Variants in PXYLP1 observed in about 807,000 individuals in gnomAD.
PXYLP1 encodes acid phosphatase-like 2.
PXYLP1 carries 17 observed loss-of-function variants against 37.9 expected under a neutral mutation model. The observed-to-expected ratio is 0.45, with a 90% CI of 0.31 to 0.67. The LOEUF is 0.67. Among genes scored for constraint, PXYLP1 ranks in the 30% least tolerant of loss-of-function variants. The pLI, the probability that PXYLP1 is intolerant of heterozygous loss-of-function variation, is 0.07. For missense variants in PXYLP1, 511 were observed against 612.0 expected, an observed-to-expected ratio of 0.84 and a Z score of 1.74; for synonymous variants, 221 against 232.2, an observed-to-expected ratio of 0.95 and a Z score of 0.44.
intron 4 of PXYLP1, 69 bp downstream of exon 4, chr3:141,279,573 GACCT>G: frequency 6.3e-7 from 1 of 1,583,844 alleles, no homozygotes; most frequent in Non-Finnish European, 8.6e-7. Flanking sequence ...AGAATGACAG[GACCT>G]ACACTTGGTG....
chr3:141,276,289 C>T (rs1435623918), intron 2 of PXYLP1, among the ~76,000 whole-genome samples: 4 of 152,228 alleles, frequency 2.6e-5, no homozygotes, highest in Non-Finnish European at 5.9e-5. Context: ...TTTTCACACC[C>T]CATTCCATCC....
At chr3:141,247,134 G>T (rs1025368739) in intron 1 of PXYLP1, among the ~76,000 whole-genome samples, 5 of 152,224 alleles carry the variant, frequency 3.3e-5, no homozygotes, top group South Asian at 2.1e-4. Context: ...CCAGGCACCT[G>T]CCCAGCTGAC....
chr3:141,269,961 C>T (rs1440133702), intron 2 of PXYLP1, among the ~76,000 whole-genome samples: 1 of 152,242 alleles, frequency 6.6e-6, no homozygotes, highest in Non-Finnish European at 1.5e-5. Context: ...GGGGGAGCCC[C>T]CATGCCCAAG....
At position 141,248,869 on chromosome 3, in the gene PXYLP1, A is replaced by ATG. The variant is rs1206909293; in HGVS notation, c.-53-11253_-53-11252insGT. On this transcript the variant is annotated intron_variant, in intron 1 of 5. Transcript: ENST00000286353. ...TACACACGTATATATATACACACGT[A>ATG]TATATATATATGGAGAGAGAGACAG... Among the ~76,000 whole-genome samples, 16 of 142,172 alleles carry ATG rather than the reference A, an allele frequency of 1.1e-4. 3 individuals are homozygous for ATG. The highest frequency in any genetic ancestry group is 2.3e-4 in the Non-Finnish European group (15 of 65,614). 93.3% of individuals were successfully genotyped at this position (142,172 alleles called of 152,430 possible).
Position 141,272,962 on chromosome 3 carries a change from C to G in PXYLP1, c.80-5380C>G, listed in dbSNP as rs958585194. The G allele has an allele frequency of 4.2e-5, 41 of 982,402 alleles. No individual in the cohort carries two copies. The South Asian group carries it at 1.6e-3, about 38-fold the overall frequency. 60.9% of individuals were successfully genotyped at this position (982,402 alleles called of 1,614,324 possible). On this transcript the variant is annotated intron_variant, in intron 2 of 5. Transcript: ENST00000286353. ...TTCTTCAACCCAATCAAGTGGACAC[C>G]CAGTATTAACCATCACATCTGGTAA...
chr3:141,246,012 C>T (rs1448337480), intron 1 of PXYLP1, among the ~76,000 whole-genome samples: 2 of 152,182 alleles, frequency 1.3e-5, no homozygotes, highest in African/African-American at 2.4e-5. Context: ...TGGCTTCAGA[C>T]TCTAGTTCTT....
intron 2 of PXYLP1, chr3:141,262,669 C>T (rs1348163620): frequency 7.8e-6 from 12 of 1,532,074 alleles, no homozygotes; most frequent in East Asian, 2.5e-5. Context: ...TTCTTGGATA[C>T]GTTGGAGATC....
At position 141,275,034 on chromosome 3, in the gene PXYLP1, A is replaced by G. The variant is rs190591563; in HGVS notation, c.80-3308A>G. ...GGGGAGACTTCTCCTCACAGCTTCTATGTGTCAGGACCTGTTTTGAATGCC... is the reference window on the plus strand; with the variant it reads ...GGGGAGACTTCTCCTCACAGCTTCTGTGTGTCAGGACCTGTTTTGAATGCC... On this transcript the variant is annotated intron_variant, in intron 2 of 5. Coordinates refer to ENST00000286353, the MANE Select transcript of PXYLP1 (RefSeq NM_001037172.3). Among the ~76,000 whole-genome samples the G allele has an allele frequency of 3.9e-5, 6 of 152,276 alleles. No individual in the cohort carries two copies. The East Asian group carries it at 1.2e-3, about 29-fold the overall frequency.
chr3:141,263,469 TTA>T (rs1941439138), intron 2 of PXYLP1, among the ~76,000 whole-genome samples: 1 of 152,240 alleles, frequency 6.6e-6, no homozygotes, highest in Non-Finnish European at 1.5e-5. Context: ...ATATTTTTGG[TTA>T]TTGTAGTTAA....
At chr3:141,273,433 C>T in intron 2 of PXYLP1, 1 of 985,356 alleles carries the variant, frequency 1.0e-6, no homozygotes, top group Non-Finnish European at 1.2e-6. Flanking sequence ...GTTTGGCTTG[C>T]ATCCTAGCTA....
chr3:141,257,402 G>T (rs1420077034), intron 1 of PXYLP1, among the ~76,000 whole-genome samples: 1 of 152,140 alleles, frequency 6.6e-6, no homozygotes, highest in African/African-American at 2.4e-5. Flanking sequence ...ATCTGCTATT[G>T]TCCCATGGCC....
At chr3:141,245,250 C>G (rs1940909967) in intron 1 of PXYLP1, among the ~76,000 whole-genome samples, 1 of 151,820 alleles carries the variant, frequency 6.6e-6, no homozygotes, top group Non-Finnish European at 1.5e-5. Context: ...GGGGTCTCTA[C>G]TAAATATAGC....
rs115787708 is a variant in PXYLP1 at position 141,266,066 on chromosome 3, A to T, written c.79+5812A>T. ...GAGGCCTATGAGAGACCCTGTCAGA[A>T]GCCACCATCTGGGGACTTTGTATTC... is the stretch of plus-strand genomic sequence containing the variant. On this transcript the variant is annotated intron_variant, in intron 2 of 5. Coordinates refer to ENST00000286353, the MANE Select transcript of PXYLP1 (RefSeq NM_001037172.3). 5.7e-3 allele frequency among the ~76,000 whole-genome samples: 868 copies of T among 152,306 alleles called. 14 individuals carry two copies. The highest frequency in any genetic ancestry group is 0.02 in the African/African-American group (831 of 41,562).
rs867511508 is a variant in PXYLP1 at position 141,252,314 on chromosome 3, A to G, written c.-53-7809A>G. 3.3e-5 allele frequency among the ~76,000 whole-genome samples: 5 copies of G among 152,304 alleles called. No individual in the cohort carries two copies. The South Asian group carries it at 1.0e-3, about 32-fold the overall frequency. ...TTAGTCCATTTTGTGTTGTAAAGGA[A>G]TACCCAAGACTGGGTAACTCATAAA... On this transcript the variant is annotated intron_variant, in intron 1 of 5. Coordinates refer to ENST00000286353, the MANE Select transcript of PXYLP1 (RefSeq NM_001037172.3).
intron 5 of PXYLP1, among the ~76,000 whole-genome samples, chr3:141,288,200 A>G (rs537041129): frequency 2.6e-5 from 4 of 152,302 alleles, no homozygotes; most frequent in African/African-American, 9.6e-5. Context: ...AAGAGGTTTC[A>G]GTTTTCTGAT....
intron 5 of PXYLP1, among the ~76,000 whole-genome samples, chr3:141,290,576 C>T (rs9838061): frequency 0.48 from 72,512 of 151,964 alleles, 19,290 homozygotes; most frequent in South Asian, 0.66. Context: ...GGGAGGATTT[C>T]CCTAGGGAGA....
intron 4 of PXYLP1, among the ~76,000 whole-genome samples, chr3:141,286,315 C>T (rs540437532): frequency 1.3e-5 from 2 of 152,272 alleles, no homozygotes; most frequent in South Asian, 4.1e-4. Context: ...CATATATAAA[C>T]TTTTTTTGAC....
intron 2 of PXYLP1, among the ~76,000 whole-genome samples, chr3:141,268,206 AGTGTGTGTGTGT>A (rs112453738): frequency 1.3e-3 from 68 of 51,402 alleles, no homozygotes; most frequent in South Asian, 4.6e-3. Context: ...AGAGAGAGAG[AGTGTGTGTGTGT>A]GTGTGTGTGT....
At chr3:141,258,122 G>A (rs1289208300) in intron 1 of PXYLP1, among the ~76,000 whole-genome samples, 1 of 152,090 alleles carries the variant, frequency 6.6e-6, no homozygotes, top group Non-Finnish European at 1.5e-5. Flanking sequence ...TGCAAACGCA[G>A]GGCAACCAGC....
Sources: gnomAD v4.1 joint callset for allele counts (sites outside exome capture counted in the v4.1 genomes callset) on GRCh38, gnomAD v4.1.1 for gene constraint, MANE v1.5 for transcripts, NCBI Gene and HGNC (gene_info 2026-07-23, HGNC 2026-07-21) for gene names.